The following ZNF395 variants were observed in gnomAD, a reference collection of about 807,000 sequenced individuals.
ZNF395 encodes HD gene regulatory region-binding protein 2.
A neutral mutation model predicts 57.7 loss-of-function variants in ZNF395; 20 were observed. The ratio of observed to expected loss-of-function variants is 0.35; its 90% CI spans 0.24 to 0.50. The LOEUF is 0.50. Ranked by LOEUF, ZNF395 falls within the 20% of genes least tolerant of loss-of-function variation. The pLI is 0.97. For synonymous variants in ZNF395, 295 were observed against 275.9 expected, an observed-to-expected ratio of 1.07 and a Z score of -0.69; for missense variants, 606 against 671.2, an observed-to-expected ratio of 0.90 and a Z score of 1.07.
intron 4 of ZNF395, among the ~76,000 whole-genome samples, chr8:28,353,812 G>A (rs1801748403): frequency 6.6e-6 from 1 of 152,124 alleles, no homozygotes; most frequent in Admixed American, 6.5e-5. Flanking sequence ...AGGGGGAAGG[G>A]CAAAGCCTCT....
chr8:28,350,068 G>T lies in ZNF395; in HGVS notation c.1322C>A (p.Ser441Tyr), dbSNP rs770109269. The T allele has an allele frequency of 6.9e-6, 11 of 1,600,370 alleles. No individual in the cohort carries two copies. In the South Asian group the frequency reaches 1.2e-4, roughly 18 times the overall value. Reference protein sequence around the residue: ...AAAPSAACSLSPVRSRSLSFS... With the variant: ...AAAPSAACSLYPVRSRSLSFS... ...CCGTGCTGCCCGCACACTCACCGGA[G>T]AGAGAGAGCAGGCGGCGGAGGGGGC... is the stretch of plus-strand genomic sequence containing the variant. The change falls in exon 8 of 10, where the codon TCT becomes TAT. Residue 441 changes from serine to tyrosine, a missense_variant. By Grantham distance (144) the Ser-to-Tyr change is moderately radical. Transcript: ENST00000344423.
intron 1 of ZNF395, among the ~76,000 whole-genome samples, chr8:28,376,573 A>C (rs1397499729): frequency 6.6e-6 from 1 of 152,042 alleles, no homozygotes; most frequent in Non-Finnish European, 1.5e-5. Flanking sequence ...GTAAGCTGAG[A>C]TCGCACCACT....
chr8:28,383,243 G>T (rs1446122830), intron 1 of ZNF395, among the ~76,000 whole-genome samples: 3 of 152,130 alleles, frequency 2.0e-5, no homozygotes, highest in Non-Finnish European at 4.4e-5. Context: ...TTCAAATTCA[G>T]ATGTTGCAAG....
In ZNF395 at chr8:28,352,539, G is replaced by A. The variant is rs200662363; in HGVS notation, c.920+34C>T. ...GCAGGGTGGAGGGACACCCACACGCGACCCTAGGCTAGAGGCCCTGGGCTC... is the reference window on the plus strand; with the variant it reads ...GCAGGGTGGAGGGACACCCACACGCAACCCTAGGCTAGAGGCCCTGGGCTC... On this transcript the variant is annotated intron_variant, in intron 6 of 9. Transcript: ENST00000344423. This position sits in a 1 kb window ranked among gnomAD's most constrained non-coding sequence, Gnocchi z 4.0. The A allele has an allele frequency of 2.1e-4, 334 of 1,595,872 alleles. 2 individuals are homozygous for A. The African/African-American group carries it at 3.3e-3, about 16-fold the overall frequency.
chr8:28,350,384 T>A (rs1020760508), intron 7 of ZNF395, among the ~76,000 whole-genome samples: 2 of 152,170 alleles, frequency 1.3e-5, no homozygotes, highest in Non-Finnish European at 1.5e-5. Context: ...CTGGAACCCT[T>A]CCCTCAGCGC....
Position 28,357,204 on chromosome 8 carries a change from A to G in ZNF395, c.474-425T>C, listed in dbSNP as rs563118539. On this transcript the variant is annotated intron_variant, in intron 3 of 9. Transcript: ENST00000344423. The stretch of plus-strand genomic sequence containing the variant: ...ATGCCCACTGGAATTCAAAAGCACA[A>G]CAATTACCTCCTTTCCTTGTCCCAT... 4.6e-5 allele frequency among the ~76,000 whole-genome samples: 7 copies of G among 152,304 alleles called. No homozygotes were observed. In the South Asian group the frequency reaches 1.5e-3, roughly 32 times the overall value.
chr8:28,384,654 T>A (rs1461847575), intron 1 of ZNF395, among the ~76,000 whole-genome samples: 1 of 152,182 alleles, frequency 6.6e-6, no homozygotes, highest in Admixed American at 6.5e-5. Context: ...TTATCCCACC[T>A]GTTACTTTCT....
At chr8:28,355,118 C>T (rs1394136874) in intron 4 of ZNF395, among the ~76,000 whole-genome samples, 2 of 152,126 alleles carry the variant, frequency 1.3e-5, no homozygotes, top group East Asian at 3.8e-4. Context: ...AATAAATACA[C>T]TTTCTATACC....
intron 1 of ZNF395, among the ~76,000 whole-genome samples, chr8:28,374,352 G>A (rs1802012356): frequency 6.6e-6 from 1 of 152,186 alleles, no homozygotes; most frequent in African/African-American, 2.4e-5. Context: ...CTCTGGGGAA[G>A]GGACTGGGAT....
At chr8:28,373,537 G>A (rs1452359125) in intron 1 of ZNF395, among the ~76,000 whole-genome samples, 1 of 152,194 alleles carries the variant, frequency 6.6e-6, no homozygotes, top group East Asian at 1.9e-4. Flanking sequence ...AGGCAGCCTG[G>A]AGAAGAACCG....
In ZNF395 at chr8:28,350,065, G is replaced by A. The variant is rs768866133; in HGVS notation, c.1325C>T (p.Pro442Leu). 4.6e-5 allele frequency: 73 copies of A among 1,598,352 alleles called. No individual in the cohort carries two copies. Among genetic ancestry groups the A allele is most frequent in the African/African-American group, 6.7e-5 (5 of 74,462 alleles). The change falls in exon 8 of 10, where the codon CCG (proline) becomes CTG (leucine). Residue 442 changes from proline (P) to leucine (L), a missense_variant and splice_region_variant. Physicochemically the swap from Pro to Leu is moderately conservative, Grantham distance 98. This residue lies in a region of ZNF395 where 261 missense variants were observed against 240.3 expected (regional missense o/e 1.09). Coordinates refer to ENST00000344423, the MANE Select transcript of ZNF395 (RefSeq NM_018660.3). Reference protein sequence around the residue: ...AAPSAACSLSPVRSRSLSFSE... With the variant: ...AAPSAACSLSLVRSRSLSFSE... ...CAGCCGTGCTGCCCGCACACTCACC[G>A]GAGAGAGAGAGCAGGCGGCGGAGGG... is the stretch of plus-strand genomic sequence containing the variant.
chr8:28,359,317 G>A lies in ZNF395; in HGVS notation c.473+275C>T, dbSNP rs547136838. Among the ~76,000 whole-genome samples the A allele has an allele frequency of 1.3e-5, 2 of 152,296 alleles. No individual in the cohort carries two copies. The highest frequency in any genetic ancestry group is 1.9e-4 in the East Asian group (1 of 5,176). On this transcript the variant is annotated intron_variant, in intron 3 of 9. Transcript: ENST00000344423. The surrounding 1 kb of genome is among the most constrained non-coding windows in gnomAD (Gnocchi z 4.7). ...CTCGGGAGGCTGAAGTGGAAGAATC[G>A]CGTGAACACAGGAGGCAGAGGTTGC... is the stretch of plus-strand genomic sequence containing the variant.
intron 8 of ZNF395, 27 bp from the exon 9 acceptor site, chr8:28,349,255 C>A: frequency 6.7e-7 from 1 of 1,499,818 alleles, no homozygotes; most frequent in Non-Finnish European, 8.9e-7. Flanking sequence ...GGGCTGTGAG[C>A]ACAGGGACAT....
At chr8:28,366,911 G>A (rs1801917461) in intron 1 of ZNF395, among the ~76,000 whole-genome samples, 1 of 151,754 alleles carries the variant, frequency 6.6e-6, no homozygotes, top group African/African-American at 2.4e-5. Flanking sequence ...TAGAAAGCCA[G>A]GGCCTTAGCA....
At chr8:28,383,408 T>C (rs1563344505) in intron 1 of ZNF395, among the ~76,000 whole-genome samples, 1 of 152,066 alleles carries the variant, frequency 6.6e-6, no homozygotes, top group South Asian at 2.1e-4. Context: ...AGGGCTAATG[T>C]CTTCCTGCCT....
Position 28,361,138 on chromosome 8 carries a change from C to T in ZNF395, c.-14G>A. The T allele has an allele frequency of 1.9e-6, 3 of 1,610,926 alleles. No individual in the cohort carries two copies. Among genetic ancestry groups the T allele is most frequent in the Admixed American group, 1.7e-5 (1 of 60,032 alleles). ...GACACTCGCCATGCTGCTGCCTCTC[C>T]TCTCCTGCGGAGGCGAAGGGGACAC... On this transcript the variant is annotated 5_prime_UTR_variant, in exon 2 of 10. Transcript: ENST00000344423.
intron 1 of ZNF395, among the ~76,000 whole-genome samples, chr8:28,381,602 A>C (rs1031360356): frequency 2.6e-5 from 4 of 152,146 alleles, no homozygotes; most frequent in African/African-American, 9.7e-5. Context: ...AAATCAGACT[A>C]TTCTAGGTCA....
intron 1 of ZNF395, among the ~76,000 whole-genome samples, chr8:28,371,289 T>A (rs1801973065): frequency 2.0e-5 from 3 of 152,218 alleles, no homozygotes; most frequent in African/African-American, 7.2e-5. Context: ...CAAGCTATCC[T>A]GCCACCTCAA....
At position 28,348,309 on chromosome 8, in the gene ZNF395, T is replaced by G. The variant is rs1370083787; in HGVS notation, c.*410A>C. On this transcript the variant is annotated 3_prime_UTR_variant, in exon 10 of 10. Transcript: ENST00000344423. ...TTTAAGAAAAGTAAATTCATCTTGC[T>G]CACAGTCCTTTCTGGAAGAGTTTAG... The G allele has an allele frequency of 1.4e-5, 2 of 138,006 alleles. No individual in the cohort carries two copies. Among genetic ancestry groups the G allele is most frequent in the Admixed American group, 7.8e-5 (1 of 12,744 alleles). 8.5% of individuals were successfully genotyped at this position (138,006 alleles called of 1,614,324 possible). A position where few individuals can be genotyped will look rare whatever the true frequency, so the allele number is the denominator to read the frequency against.
Sources: gnomAD v4.1 joint callset for allele counts (sites outside exome capture counted in the v4.1 genomes callset) on GRCh38, gnomAD v4.1.1 for gene constraint, gnomAD v4.1.1 regional missense constraint, Gnocchi (gnomAD v3.1) non-coding constraint, MANE v1.5 for transcripts, NCBI Gene and HGNC (gene_info 2026-07-23, HGNC 2026-07-21) for gene names.